The following COLEC12 variants were observed in gnomAD, a reference collection of about 807,000 sequenced individuals.
COLEC12 encodes the protein collectin subfamily member 12.
A neutral mutation model predicts 71.1 loss-of-function variants in COLEC12; 33 were observed. That is an observed-to-expected ratio of 0.46 (90% CI 0.35 to 0.62). The LOEUF (loss-of-function observed/expected upper bound fraction) is 0.62, where lower values mean the gene tolerates loss of function less well. Ranked by LOEUF, COLEC12 falls within the 20% of genes least tolerant of loss-of-function variation. COLEC12 has a pLI of 0.00. For synonymous variants in COLEC12, 350 were observed against 353.0 expected, an observed-to-expected ratio of 0.99 and a Z score of 0.10; for missense variants, 765 against 916.1, an observed-to-expected ratio of 0.84 and a Z score of 2.13.
In COLEC12 at chr18:318,064, C is replaced by T. The variant is rs1249564107; in HGVS notation, c.*1981G>A. The T allele has an allele frequency of 6.7e-6, 1 of 149,450 alleles. No individual in the cohort carries two copies. The highest frequency in any genetic ancestry group is 1.5e-5 in the Non-Finnish European group (1 of 66,668). The allele number at this position is 149,450 out of a possible 1,614,324, so 9.3% of individuals were successfully genotyped here. A position where few individuals can be genotyped will look rare whatever the true frequency, so the allele number is the denominator to read the frequency against. ...CGATCTCGGCTCACTGCAAGCTCCG[C>T]TTCCTGGGTTCACGCCATTCTCCTG... On this transcript the variant is annotated 3_prime_UTR_variant, in exon 10 of 10. Coordinates refer to ENST00000400256, the MANE Select transcript of COLEC12 (RefSeq NM_130386.3).
chr18:321,935 T>C, intron 8 of COLEC12, 128 bp from the exon 9 acceptor site: 1 of 924,914 alleles, frequency 1.1e-6, no homozygotes, highest in Non-Finnish European at 1.6e-6. Context: ...AAAATGCAGT[T>C]TAAAAATCAG....
chr18:387,035 C>G (rs1915360016), intron 2 of COLEC12, among the ~76,000 whole-genome samples: 1 of 152,154 alleles, frequency 6.6e-6, no homozygotes, highest in Admixed American at 6.5e-5. Flanking sequence ...ATCGCTAAGA[C>G]TGTTGTCTAT....
At chr18:432,303 T>C (rs941496477) in intron 2 of COLEC12, among the ~76,000 whole-genome samples, 49 of 152,280 alleles carry the variant, frequency 3.2e-4, no homozygotes, top group Non-Finnish European at 4.9e-4. Context: ...AATATTATCA[T>C]CAGCAAATAG....
At chr18:415,777 G>C (rs1915974970) in intron 2 of COLEC12, among the ~76,000 whole-genome samples, 1 of 152,106 alleles carries the variant, frequency 6.6e-6, no homozygotes, top group African/African-American at 2.4e-5. Flanking sequence ...AAAGGAAGTG[G>C]CTCTTCAGGA....
chr18:434,210 G>A (rs1916361522), intron 2 of COLEC12, among the ~76,000 whole-genome samples: 1 of 152,162 alleles, frequency 6.6e-6, no homozygotes, highest in African/African-American at 2.4e-5. Flanking sequence ...TGAGAAAAAG[G>A]AAGGAGAATT....
intron 2 of COLEC12, among the ~76,000 whole-genome samples, chr18:360,178 C>CTTTTT (rs778619867): frequency 1.4e-5 from 2 of 141,614 alleles, no homozygotes; most frequent in African/African-American, 5.2e-5. Context: ...ATTTGGATTT[C>CTTTTT]TTTTTTTTTT....
chr18:500,589 G>A lies in COLEC12; in HGVS notation c.-75C>T, dbSNP rs1465512911. 5.1e-6 allele frequency: 6 copies of A among 1,176,492 alleles called. No individual in the cohort carries two copies. Among genetic ancestry groups the A allele is most frequent in the Non-Finnish European group, 6.3e-6 (6 of 945,728 alleles). 72.9% of individuals were successfully genotyped at this position (1,176,492 alleles called of 1,614,324 possible). A position where few individuals can be genotyped will look rare whatever the true frequency, so the allele number is the denominator to read the frequency against. Reference sequence around the variant, plus strand: ...CGCAGCCGAGGAAGTCGTCCCGAGCGGCTGCTCACCGCACGCCCATGGTAG... The same window carrying A: ...CGCAGCCGAGGAAGTCGTCCCGAGCAGCTGCTCACCGCACGCCCATGGTAG... On this transcript the variant is annotated 5_prime_UTR_variant, in exon 1 of 10. Coordinates refer to ENST00000400256, the MANE Select transcript of COLEC12 (RefSeq NM_130386.3). The surrounding 1 kb of genome is among the most constrained non-coding windows in gnomAD (Gnocchi z 5.3).
intron 2 of COLEC12, among the ~76,000 whole-genome samples, chr18:365,447 C>T (rs1420109921): frequency 2.0e-5 from 3 of 152,154 alleles, no homozygotes; most frequent in Non-Finnish European, 4.4e-5. Context: ...GAGCCTTGAT[C>T]AGTTTAAGCT....
chr18:373,371 G>A (rs938636053), intron 2 of COLEC12, among the ~76,000 whole-genome samples: 5 of 152,104 alleles, frequency 3.3e-5, no homozygotes, highest in Non-Finnish European at 7.4e-5. Context: ...GACCTCTCCC[G>A]TCAGAAGTAC....
At chr18:460,135 C>A (rs1424223320) in intron 2 of COLEC12, among the ~76,000 whole-genome samples, 2 of 152,060 alleles carry the variant, frequency 1.3e-5, no homozygotes, top group Non-Finnish European at 2.9e-5. Flanking sequence ...ACAGTAAGAA[C>A]GTTTTTGACA....
At chr18:383,273 G>A (rs1436455616) in intron 2 of COLEC12, among the ~76,000 whole-genome samples, 1 of 152,104 alleles carries the variant, frequency 6.6e-6, no homozygotes, top group Non-Finnish European at 1.5e-5. Flanking sequence ...AACATAAGAC[G>A]AGAGTAATGG....
rs1267335430 is a variant in COLEC12 at position 328,808 on chromosome 18, A to G, written c.2063+2860T>C. On this transcript the variant is annotated intron_variant, in intron 8 of 9. Transcript: ENST00000400256. ...GATCTTGCTGATGCTAGATCCCTCT[A>G]GCATCTAGCTGATGCACTCCCTCCC... 2.0e-5 allele frequency among the ~76,000 whole-genome samples: 3 copies of G among 152,304 alleles called. No homozygotes were observed. In the East Asian group the frequency reaches 5.8e-4, roughly 29 times the overall value.
intron 2 of COLEC12, among the ~76,000 whole-genome samples, chr18:371,049 GC>G (rs1254543567): frequency 1.3e-5 from 2 of 152,208 alleles, no homozygotes; most frequent in Non-Finnish European, 2.9e-5. Flanking sequence ...GTTCCTTCCT[GC>G]TGGAAAGCAG....
chr18:497,383 GGTGTGTGTGTGTGTGTGT>G (rs10689788), intron 1 of COLEC12, among the ~76,000 whole-genome samples: 7 of 147,160 alleles, frequency 4.8e-5, no homozygotes, highest in East Asian at 2.0e-4. Context: ...TAAAGAATGG[GGTGTGTGTGTGTGTGTGT>G]GTGTGTGTGT....
chr18:429,299 T>G (rs1440653503), intron 2 of COLEC12, among the ~76,000 whole-genome samples: 4 of 152,242 alleles, frequency 2.6e-5, no homozygotes, highest in African/African-American at 9.6e-5. Context: ...ATCAGAACAA[T>G]GTGTACAATG....
intron 2 of COLEC12, among the ~76,000 whole-genome samples, chr18:470,975 C>T (rs971191893): frequency 5.1e-5 from 7 of 136,060 alleles, no homozygotes; most frequent in South Asian, 2.2e-4. Context: ...ATCTTCAGGC[C>T]TTGGGAATAA....
chr18:442,150 G>A (rs1470152339), intron 2 of COLEC12, among the ~76,000 whole-genome samples: 1 of 150,784 alleles, frequency 6.6e-6, no homozygotes, highest in African/African-American at 2.5e-5. Context: ...GATGTTTGAG[G>A]AGTAAGAGTC....
intron 5 of COLEC12, among the ~76,000 whole-genome samples, chr18:343,619 C>T (rs1438097083): frequency 6.6e-6 from 1 of 152,116 alleles, no homozygotes; most frequent in South Asian, 2.1e-4. Context: ...ACTCCCTGAC[C>T]TTCTAGGCTC....
chr18:483,582 G>GCTTTAATT (rs1461621857), intron 1 of COLEC12, among the ~76,000 whole-genome samples: 1 of 152,120 alleles, frequency 6.6e-6, no homozygotes, highest in Non-Finnish European at 1.5e-5. Context: ...AGGGATTTAA[G>GCTTTAATT]CTTTAATTCT....
Sources: allele counts gnomAD v4.1 joint callset (sites outside exome capture counted in the v4.1 genomes callset), GRCh38; gene constraint gnomAD v4.1.1; non-coding constraint Gnocchi (gnomAD v3.1); transcripts MANE v1.5; gene names NCBI Gene and HGNC (gene_info 2026-07-23, HGNC 2026-07-21).